Variants in XPNPEP1 observed in about 807,000 individuals in gnomAD.
XPNPEP1 encodes the protein xaa-Pro aminopeptidase 1.
Under a neutral mutation model 92.4 loss-of-function variants are expected in XPNPEP1, and 39 were observed. That is an observed-to-expected ratio of 0.42 (90% CI 0.33 to 0.55). The LOEUF is 0.55. Among genes scored for constraint, XPNPEP1 ranks in the 20% least tolerant of loss-of-function variants. XPNPEP1 has a pLI of 0.08. For synonymous variants in XPNPEP1, 307 were observed against 299.4 expected, an observed-to-expected ratio of 1.03 and a Z score of -0.26; for missense variants, 654 against 856.1, an observed-to-expected ratio of 0.76 and a Z score of 2.95.
intron 15 of XPNPEP1, among the ~76,000 whole-genome samples, chr10:109,874,646 G>C (rs1353645206): frequency 1.3e-5 from 2 of 152,222 alleles, no homozygotes; most frequent in African/African-American, 4.8e-5. Flanking sequence ...GGGGAATGGA[G>C]CAGCACTAAA....
intron 1 of XPNPEP1, among the ~76,000 whole-genome samples, chr10:109,921,902 G>A (rs1293936606): frequency 6.6e-6 from 1 of 152,146 alleles, no homozygotes; most frequent in East Asian, 1.9e-4. Context: ...TAGGAAGGAG[G>A]GCTCAACTTC....
intron 1 of XPNPEP1, among the ~76,000 whole-genome samples, chr10:109,916,271 A>G (rs1198803499): frequency 6.6e-6 from 1 of 152,194 alleles, no homozygotes; most frequent in Admixed American, 6.5e-5. Flanking sequence ...CGGCTAGGGG[A>G]ACAATGTTCC....
At position 109,887,956 on chromosome 10, in the gene XPNPEP1, T is replaced by C. The variant is rs368901443; in HGVS notation, c.652+93A>G. 2.3e-4 allele frequency: 345 copies of C among 1,527,222 alleles called. 15 individuals are homozygous for C. In the East Asian group the frequency reaches 3.3e-3, roughly 14 times the overall value. The allele number at this position is 1,527,222 out of a possible 1,614,324, so 94.6% of individuals were successfully genotyped here. A position where few individuals can be genotyped will look rare whatever the true frequency, so the allele number is the denominator to read the frequency against. On this transcript the variant is annotated intron_variant, in intron 7 of 20. Transcript: ENST00000502935. ...GCAAAATCCTCCTGTCAGCTCCAAC[T>C]CGACTTGGATTCGGAGGACGAGGCT...
At position 109,907,814 on chromosome 10, in the gene XPNPEP1, G is replaced by A. The variant is rs201971077; in HGVS notation, c.123C>T (p.Asp41=). 1.9e-5 allele frequency: 30 copies of A among 1,613,880 alleles called. No individual in the cohort carries two copies. Among genetic ancestry groups the A allele is most frequent in the Middle Eastern group, 1.6e-4 (1 of 6,066 alleles). ...THSGDTGVET[D]GRMPPKVTSE... is the part of the protein sequence containing the mutation. ...AAGTCACCTTTGGAGGCATTCTGCC[G>A]TCTGCAACAACAGGAGAGCAAATTT... Residue 41 remains aspartate, a splice_region_variant and synonymous_variant, in exon 3 of 21, where the codon GAC becomes GAT. Transcript: ENST00000502935.
intron 9 of XPNPEP1, 84 bp from the exon 10 acceptor site, chr10:109,882,726 C>T: frequency 6.9e-7 from 1 of 1,445,716 alleles, no homozygotes; most frequent in Non-Finnish European, 9.5e-7. Context: ...ACACATCAGG[C>T]TCTGTTTCCT....
In XPNPEP1 at chr10:109,919,025, C is replaced by T. The variant is rs1042498086; in HGVS notation, c.33-3926G>A. On this transcript the variant is annotated intron_variant, in intron 1 of 20. Transcript: ENST00000502935. Reference sequence around the variant, plus strand: ...AATGGATCACAGGTATGAACGTAGGCGCTAAACTGTAAAACTCTTATAGCG... The same window carrying T: ...AATGGATCACAGGTATGAACGTAGGTGCTAAACTGTAAAACTCTTATAGCG... Among the ~76,000 whole-genome samples the T allele has an allele frequency of 2.6e-5, 4 of 152,018 alleles. No individual in the cohort carries two copies. In the East Asian group the frequency reaches 7.7e-4, roughly 29 times the overall value.
Position 109,886,308 on chromosome 10 carries a change from C to T in XPNPEP1, c.686G>A (p.Arg229Gln), listed in dbSNP as rs1187527687. The change falls in exon 8 of 21, where the codon CGG (arginine) becomes CAG (glutamine). Residue 229 changes from arginine (R) to glutamine (Q), a missense_variant. Arg to Gln is a conservative substitution (Grantham distance 43, BLOSUM62 1). Coordinates refer to ENST00000502935, the MANE Select transcript of XPNPEP1 (RefSeq NM_020383.4). Reference sequence around the variant, plus strand: ...GACGTTCCTCTCAGCCATTTTCAACCGAAGGTCTGCAACCTTGTCCTTCCA... The same window carrying T: ...GACGTTCCTCTCAGCCATTTTCAACTGAAGGTCTGCAACCTTGTCCTTCCA... Reference protein sequence around the residue: ...ISWKDKVADLRLKMAERNVMW... With the variant: ...ISWKDKVADLQLKMAERNVMW... 9.9e-6 allele frequency: 16 copies of T among 1,614,074 alleles called. No individual in the cohort carries two copies. The highest frequency in any genetic ancestry group is 5.3e-5 in the African/African-American group (4 of 74,926).
intron 15 of XPNPEP1, among the ~76,000 whole-genome samples, 184 bp downstream of exon 15, chr10:109,875,344 C>G (rs1227470458): frequency 6.6e-6 from 1 of 152,182 alleles, no homozygotes; most frequent in East Asian, 1.9e-4. Flanking sequence ...TTTGTGAGAA[C>G]AGAGTCACAA....
intron 12 of XPNPEP1, 107 bp downstream of exon 12, chr10:109,880,081 C>A: frequency 8.9e-7 from 1 of 1,128,028 alleles, no homozygotes; most frequent in East Asian, 2.4e-5. Context: ...TGATGAAGAT[C>A]TCAGATCTCA....
intron 3 of XPNPEP1, among the ~76,000 whole-genome samples, chr10:109,903,375 G>A (rs1213110648): frequency 6.6e-6 from 1 of 152,182 alleles, no homozygotes; most frequent in Non-Finnish European, 1.5e-5. Flanking sequence ...TTTCGGAGGA[G>A]GGCCCCAATT....
intron 14 of XPNPEP1, 154 bp from the exon 15 acceptor site, chr10:109,875,753 C>A: frequency 1.7e-6 from 1 of 593,462 alleles, no homozygotes; most frequent in South Asian, 2.4e-5. Context: ...TGAATTATTT[C>A]AACTAATATT....
chr10:109,886,612 C>T (rs1848405020), intron 7 of XPNPEP1, among the ~76,000 whole-genome samples: 1 of 152,210 alleles, frequency 6.6e-6, no homozygotes, highest in Non-Finnish European at 1.5e-5. Flanking sequence ...GGCATAGATA[C>T]GTGCCAGGCA....
chr10:109,865,222 G>C lies in XPNPEP1; in HGVS notation c.1963C>G (p.Leu655Val). The C allele has an allele frequency of 6.2e-7, 1 of 1,614,182 alleles. No individual in the cohort carries two copies. The highest frequency in any genetic ancestry group is 8.5e-7 in the Non-Finnish European group (1 of 1,180,040). Residue 655 changes from leucine to valine, a missense_variant, in exon 21 of 21, where the codon CTC becomes GTC. Physicochemically the swap from Leu to Val is conservative, Grantham distance 32. Coordinates refer to ENST00000502935, the MANE Select transcript of XPNPEP1 (RefSeq NM_020383.4). ...KQGRQEALEW[L>V]IRETQPISKQ... is the part of the protein sequence containing the mutation. The stretch of plus-strand genomic sequence containing the variant: ...GAGATGGGTTGCGTCTCTCTGATGA[G>C]CCACTCGAGAGCTTCCTGGCGGCCC...
chr10:109,898,644 A>G (rs1849113126), intron 3 of XPNPEP1, among the ~76,000 whole-genome samples: 1 of 152,222 alleles, frequency 6.6e-6, no homozygotes, highest in South Asian at 2.1e-4. Flanking sequence ...GCCTAATGGC[A>G]GGGGCAAGAA....
In XPNPEP1 at chr10:109,900,523, C is replaced by T. The variant is rs546914712; in HGVS notation, c.246+7168G>A. 1.8e-4 allele frequency among the ~76,000 whole-genome samples: 28 copies of T among 152,254 alleles called. No individual in the cohort carries two copies. The South Asian group carries it at 5.6e-3, about 30-fold the overall frequency. ...TCTGTTGATGGCACCACAAACACTC[C>T]CAGGCTTCAAACCTTCCCAATCCCC... On this transcript the variant is annotated intron_variant, in intron 3 of 20. Transcript: ENST00000502935.
intron 18 of XPNPEP1, 117 bp from the exon 19 acceptor site, chr10:109,870,146 G>T: frequency 8.9e-7 from 1 of 1,124,098 alleles, no homozygotes; most frequent in Non-Finnish European, 1.3e-6. Flanking sequence ...CGGGTGAAGA[G>T]CCCACTCTAT....
At chr10:109,871,763 C>T in intron 17 of XPNPEP1, 29 bp downstream of exon 17, 1 of 1,599,708 alleles carries the variant, frequency 6.3e-7, no homozygotes, top group Non-Finnish European at 8.5e-7. Flanking sequence ...AGAAAAAGAG[C>T]CTGCCATGTG....
At chr10:109,896,933 A>G (rs1001255568) in intron 3 of XPNPEP1, among the ~76,000 whole-genome samples, 1 of 152,224 alleles carries the variant, frequency 6.6e-6, no homozygotes, top group African/African-American at 2.4e-5. Flanking sequence ...TTCCAGAACC[A>G]TAAGAGAATA....
intron 3 of XPNPEP1, among the ~76,000 whole-genome samples, chr10:109,907,239 A>G (rs888466665): frequency 6.6e-6 from 1 of 152,198 alleles, no homozygotes; most frequent in African/African-American, 2.4e-5. Context: ...CCATAACCAC[A>G]GTGTAAGCAC....
Sources: gnomAD v4.1 joint callset for allele counts (sites outside exome capture counted in the v4.1 genomes callset) on GRCh38, gnomAD v4.1.1 for gene constraint, MANE v1.5 for transcripts, NCBI Gene and HGNC (gene_info 2026-07-23, HGNC 2026-07-21) for gene names.